TRABD2B: variants seen among roughly 807,000 people sequenced by gnomAD.
The protein encoded by TRABD2B is TraB domain containing 2B, also known as metalloprotease TIKI2.
Under a neutral mutation model 40.1 loss-of-function variants are expected in TRABD2B, and 14 were observed. That is an observed-to-expected ratio of 0.35 (90% CI 0.23 to 0.55). The LOEUF (loss-of-function observed/expected upper bound fraction) is 0.55, where lower values mean the gene tolerates loss of function less well. Among genes scored for constraint, TRABD2B ranks in the 20% least tolerant of loss-of-function variants. TRABD2B has a pLI of 0.90. For missense variants in TRABD2B, 541 were observed against 648.6 expected (o/e 0.83, Z 1.80); for synonymous variants, 263 against 277.0 (o/e 0.95, Z 0.50).
intron 2 of TRABD2B, among the ~76,000 whole-genome samples, chr1:47,944,860 C>T (rs755475779): frequency 6.6e-6 from 1 of 152,088 alleles, no homozygotes; most frequent in African/African-American, 2.4e-5. Context: ...GCAAACTTCC[C>T]GGGAGGGAAC....
At chr1:47,975,392 A>G (rs1645741546) in intron 2 of TRABD2B, among the ~76,000 whole-genome samples, 1 of 152,196 alleles carries the variant, frequency 6.6e-6, no homozygotes, top group Non-Finnish European at 1.5e-5. Context: ...GCATTTACTG[A>G]GCACAGGGTT....
At chr1:47,897,619 T>C (rs1477373741) in intron 2 of TRABD2B, among the ~76,000 whole-genome samples, 2 of 152,330 alleles carry the variant, frequency 1.3e-5, no homozygotes, top group East Asian at 3.9e-4. Flanking sequence ...TCAGATCCTG[T>C]ATTCATCACC....
chr1:47,882,296 C>T (rs1426934816), intron 2 of TRABD2B, among the ~76,000 whole-genome samples: 4 of 152,228 alleles, frequency 2.6e-5, no homozygotes, highest in Non-Finnish European at 5.9e-5. Context: ...GCCTGACCAC[C>T]CGCCACAGTG....
At chr1:47,862,822 A>AC in intron 2 of TRABD2B, among the ~76,000 whole-genome samples, 1 of 151,868 alleles carries the variant, frequency 6.6e-6, no homozygotes, top group East Asian at 1.9e-4. Flanking sequence ...ACAGTACTCA[A>AC]TTCAAGACTT....
At chr1:47,870,786 T>C (rs143886738) in intron 2 of TRABD2B, among the ~76,000 whole-genome samples, 22 of 152,290 alleles carry the variant, frequency 1.4e-4, no homozygotes, top group African/African-American at 4.8e-4. Context: ...GAAGCCTGAC[T>C]GGGATGTGAT....
chr1:47,832,889 G>A (rs143669444), intron 2 of TRABD2B, among the ~76,000 whole-genome samples: 1,558 of 152,184 alleles, frequency 0.01, 26 homozygotes, highest in Non-Finnish European at 0.014. Context: ...TGAGGAGCTG[G>A]GAAGGCTTTG....
chr1:47,824,206 T>G (rs1351685622), intron 2 of TRABD2B, among the ~76,000 whole-genome samples: 1 of 152,130 alleles, frequency 6.6e-6, no homozygotes, highest in Non-Finnish European at 1.5e-5. Context: ...GCTCGTGTCC[T>G]CTTTCCTCAC....
intron 2 of TRABD2B, among the ~76,000 whole-genome samples, chr1:47,814,301 G>A (rs1042530651): frequency 2.6e-5 from 4 of 152,172 alleles, no homozygotes; most frequent in Admixed American, 2.0e-4. Flanking sequence ...TTTACTCTAC[G>A]GACAATGGGA....
At chr1:47,814,117 A>G (rs1645000008) in intron 2 of TRABD2B, among the ~76,000 whole-genome samples, 1 of 152,262 alleles carries the variant, frequency 6.6e-6, no homozygotes, top group South Asian at 2.1e-4. Context: ...AAGGGAAAGA[A>G]AAGGAATTCC....
intron 2 of TRABD2B, among the ~76,000 whole-genome samples, chr1:47,907,038 C>T (rs1339395611): frequency 7.2e-5 from 11 of 152,200 alleles, no homozygotes; most frequent in Admixed American, 7.2e-4. Flanking sequence ...GCAGCCCGTG[C>T]GAGCACCAGC....
chr1:47,780,695 T>A (rs951733437), intron 4 of TRABD2B, among the ~76,000 whole-genome samples: 1 of 151,704 alleles, frequency 6.6e-6, no homozygotes, highest in Non-Finnish European at 1.5e-5. Flanking sequence ...GGTGGCACAG[T>A]GGGGGAGGCT....
intron 2 of TRABD2B, among the ~76,000 whole-genome samples, chr1:47,849,672 G>A (rs1441427195): frequency 6.6e-6 from 1 of 152,234 alleles, no homozygotes; most frequent in African/African-American, 2.4e-5. Flanking sequence ...GGCATTGTCA[G>A]TCTTTGTTGT....
At chr1:47,890,307 T>C (rs2124648668) in intron 2 of TRABD2B, among the ~76,000 whole-genome samples, 1 of 152,282 alleles carries the variant, frequency 6.6e-6, no homozygotes. Flanking sequence ...GGGTGGCCAA[T>C]GCCTAACACT....
At chr1:47,860,145 AT>A (rs1643945958) in intron 2 of TRABD2B, among the ~76,000 whole-genome samples, 1 of 152,194 alleles carries the variant, frequency 6.6e-6, no homozygotes, top group East Asian at 1.9e-4. Flanking sequence ...GGAGAACTAA[AT>A]GCTGGTTGAT....
intron 2 of TRABD2B, among the ~76,000 whole-genome samples, chr1:47,854,172 C>T (rs1301671201): frequency 1.3e-5 from 2 of 152,158 alleles, no homozygotes; most frequent in African/African-American, 2.4e-5. Flanking sequence ...AAAATGGGGA[C>T]GGTCTCCTGG....
At position 47,770,432 on chromosome 1, in the gene TRABD2B, AC is replaced by A. The variant is rs1644363537; in HGVS notation, c.1350-4327del. Among the ~76,000 whole-genome samples, 3 of 152,200 alleles carry A rather than the reference AC, an allele frequency of 2.0e-5. No homozygotes were observed. In the South Asian group the frequency reaches 6.2e-4, roughly 32 times the overall value. ...GGTCTTCTGTGCTGGGAATGCCTTC[AC>A]GCTTTGCTCAGCCTCACTGGGCCAT... On this transcript the variant is annotated intron_variant, in intron 6 of 6. Coordinates refer to ENST00000606738, the MANE Select transcript of TRABD2B (RefSeq NM_001194986.2).
chr1:47,785,467 C>T (rs185094543), intron 4 of TRABD2B, among the ~76,000 whole-genome samples: 7 of 152,302 alleles, frequency 4.6e-5, no homozygotes, highest in East Asian at 1.9e-4. Context: ...GAACGCAGGA[C>T]GTCAGAAATG....
At chr1:47,928,075 A>G (rs937897041) in intron 2 of TRABD2B, among the ~76,000 whole-genome samples, 16 of 152,236 alleles carry the variant, frequency 1.1e-4, no homozygotes, top group African/African-American at 3.6e-4. Context: ...CCGTGGGCAC[A>G]GTAAAGTTTG....
At chr1:47,922,351 G>C (rs1008685057) in intron 2 of TRABD2B, among the ~76,000 whole-genome samples, 1 of 152,218 alleles carries the variant, frequency 6.6e-6, no homozygotes, top group Admixed American at 6.5e-5. Context: ...TCAGGGCCTG[G>C]TCAGAGGCCA....
Sources: gnomAD v4.1 joint callset for allele counts (sites outside exome capture counted in the v4.1 genomes callset) on GRCh38, gnomAD v4.1.1 for gene constraint, MANE v1.5 for transcripts, NCBI Gene and HGNC (gene_info 2026-07-23, HGNC 2026-07-21) for gene names.